Variants in DNAH11 observed in about 807,000 individuals in gnomAD.
The protein encoded by DNAH11 is dynein axonemal heavy chain 11, also known as axonemal beta dynein heavy chain 11.
In DNAH11, 442 loss-of-function variants were observed where a neutral mutation model predicts 526.0. That is an observed-to-expected ratio of 0.84 (90% CI 0.78 to 0.91). The LOEUF (loss-of-function observed/expected upper bound fraction) is 0.91, where lower values mean the gene tolerates loss of function less well. Among genes scored for constraint, DNAH11 ranks in the 40% least tolerant of loss-of-function variants. DNAH11 has a pLI of 0.00. For synonymous variants in DNAH11, 2,461 were observed against 1,935.9 expected (o/e 1.27, Z -7.12); for missense variants, 6,989 against 5,448.7 (o/e 1.28, Z -8.90).
At chr7:21,657,871 C>A (rs900039445) in intron 29 of DNAH11, among the ~76,000 whole-genome samples, 1 of 152,168 alleles carries the variant, frequency 6.6e-6, no homozygotes, top group Non-Finnish European at 1.5e-5. Flanking sequence ...AACCACTTAT[C>A]ACTCCATTCC....
chr7:21,572,015 A>G, intron 8 of DNAH11, 42 bp downstream of exon 8: 1 of 1,425,806 alleles, frequency 7.0e-7, no homozygotes, highest in Non-Finnish European at 9.2e-7. Context: ...GGGATCCTAT[A>G]ATTTTATAGC....
chr7:21,781,778 G>T (rs1016267310), intron 57 of DNAH11, among the ~76,000 whole-genome samples: 1 of 152,170 alleles, frequency 6.6e-6, no homozygotes, highest in Non-Finnish European at 1.5e-5. Flanking sequence ...TATTTTGGGA[G>T]ATTGGGAGGG....
chr7:21,740,820 T>C (rs188780275), intron 48 of DNAH11, among the ~76,000 whole-genome samples: 4 of 152,364 alleles, frequency 2.6e-5, no homozygotes, highest in Admixed American at 6.5e-5. Context: ...ATGACAACTA[T>C]ACCTTATTTT....
In DNAH11 at chr7:21,882,681, C is replaced by T. The variant is rs556081705; in HGVS notation, c.12388-1610C>T. ...GCATGGTGATGCACGCCTGTAGTTCCAGCTATTTAGGAGACTGAGGTGAGA... is the reference window on the plus strand; with the variant it reads ...GCATGGTGATGCACGCCTGTAGTTCTAGCTATTTAGGAGACTGAGGTGAGA... On this transcript the variant is annotated intron_variant, in intron 75 of 81. Coordinates refer to ENST00000409508, the MANE Select transcript of DNAH11 (RefSeq NM_001277115.2). Among the ~76,000 whole-genome samples the T allele has an allele frequency of 2.0e-5, 3 of 152,222 alleles. No individual in the cohort carries two copies. In the East Asian group the frequency reaches 5.8e-4, roughly 29 times the overall value.
In DNAH11 at chr7:21,803,317, G is replaced by T. The variant is rs533660019; in HGVS notation, c.10165+2042G>T. ...CTGGACCATTATCAGTGTTGATCCT[G>T]GTGATTAGTGATCAGCCACCTAGGC... On this transcript the variant is annotated intron_variant, in intron 62 of 81. Coordinates refer to ENST00000409508, the MANE Select transcript of DNAH11 (RefSeq NM_001277115.2). 1.9e-4 allele frequency among the ~76,000 whole-genome samples: 29 copies of T among 152,246 alleles called. No individual in the cohort carries two copies. In the South Asian group the frequency reaches 5.4e-3, roughly 28 times the overall value.
At chr7:21,831,306 AC>A (rs1171773769) in intron 65 of DNAH11, among the ~76,000 whole-genome samples, 1 of 151,850 alleles carries the variant, frequency 6.6e-6, no homozygotes, top group Non-Finnish European at 1.5e-5. Context: ...TGCTTTTCCC[AC>A]CCCTCTGGTT....
intron 20 of DNAH11, among the ~76,000 whole-genome samples, chr7:21,613,360 G>A (rs1290711172): frequency 6.6e-6 from 1 of 152,110 alleles, no homozygotes. Flanking sequence ...GGAAAAGAGG[G>A]ATGAAATTAA....
chr7:21,555,745 A>T (rs570463335), intron 2 of DNAH11, among the ~76,000 whole-genome samples: 1 of 152,140 alleles, frequency 6.6e-6, no homozygotes, highest in Non-Finnish European at 1.5e-5. Flanking sequence ...TGCCTCCTGA[A>T]TAAGTCTTGG....
intron 14 of DNAH11, among the ~76,000 whole-genome samples, chr7:21,593,938 T>G (rs960590526): frequency 1.3e-5 from 2 of 150,620 alleles, no homozygotes; most frequent in African/African-American, 4.9e-5. Context: ...CACACTCTCT[T>G]TCACACACAC....
At chr7:21,707,676 G>A (rs776518921) in intron 39 of DNAH11, 23 bp from the exon 40 acceptor site, 3 of 1,593,954 alleles carry the variant, frequency 1.9e-6, no homozygotes, top group Non-Finnish European at 1.7e-6. Context: ...TAATTTTTTT[G>A]GCTCTTTCCT....
intron 61 of DNAH11, 119 bp from the exon 62 acceptor site, chr7:21,801,018 A>T (rs1251241246): frequency 2.8e-6 from 3 of 1,074,016 alleles, no homozygotes; most frequent in Non-Finnish European, 2.7e-6. Flanking sequence ...TAAAGGGGCA[A>T]AGGTTAATGG....
At chr7:21,734,696 A>T (rs1785527859) in intron 45 of DNAH11, among the ~76,000 whole-genome samples, 3 of 152,064 alleles carry the variant, frequency 2.0e-5, no homozygotes, top group Admixed American at 1.3e-4. Context: ...TCTCTACAAA[A>T]AATACAAAAT....
rs369466371 is a variant in DNAH11, at chr7:21,600,669, C to G, written c.3001-7C>G. 5 of 1,596,434 alleles carry G rather than the reference C, an allele frequency of 3.1e-6. No individual in the cohort carries two copies. The highest frequency in any genetic ancestry group is 4.3e-6 in the Non-Finnish European group (5 of 1,170,126). On this transcript the variant is annotated splice_region_variant and splice_polypyrimidine_tract_variant and intron_variant, in intron 15 of 81. Coordinates refer to ENST00000409508, the MANE Select transcript of DNAH11 (RefSeq NM_001277115.2). ...AATAGTAAGTGCTGTGTTTTCCTCTCATTTAGAATGATATGGATAACATGT... is the reference window on the plus strand; with the variant it reads ...AATAGTAAGTGCTGTGTTTTCCTCTGATTTAGAATGATATGGATAACATGT...
intron 25 of DNAH11, among the ~76,000 whole-genome samples, chr7:21,622,458 G>A (rs1786111044): frequency 6.6e-6 from 1 of 151,996 alleles, no homozygotes; most frequent in South Asian, 2.1e-4. Context: ...TCACAGAATT[G>A]GAAAAAACTA....
chr7:21,568,233 C>T (rs1173791197), intron 6 of DNAH11, among the ~76,000 whole-genome samples: 1 of 152,124 alleles, frequency 6.6e-6, no homozygotes, highest in East Asian at 1.9e-4. Context: ...TGAAGTGGGA[C>T]TAGTTCATCC....
chr7:21,588,128 A>G lies in DNAH11; in HGVS notation c.1775A>G (p.Tyr592Cys), dbSNP rs1433884367. 1 of 1,613,436 alleles carries G rather than the reference A, an allele frequency of 6.2e-7. No homozygotes were observed. Among genetic ancestry groups the G allele is most frequent in the Admixed American group, 1.7e-5 (1 of 59,960 alleles). The change falls in exon 10 of 82, where the codon TAC becomes TGC. Residue 592 changes from tyrosine to cysteine, a missense_variant. Transcript: ENST00000409508. ...PVVMEIFSLH[Y>C]STLVHMFNTE... ...GTCATGGAAATTTTCAGCCTACATT[A>G]CAGCACACTAGTGCATATGTTTAAT...
At position 21,750,244 on chromosome 7, in the gene DNAH11, C is replaced by T. The variant is rs377417038; in HGVS notation, c.8820C>T (p.Ser2940=). Reference sequence around the variant, plus strand: ...CAGGAGAAATCCCAGATCTGTTCAGCGATGAAGATGTGGACAAGATAATTT... The same window carrying T: ...CAGGAGAAATCCCAGATCTGTTCAGTGATGAAGATGTGGACAAGATAATTT... ...LASGEIPDLF[S]DEDVDKIISG... The change falls in exon 54 of 82, where the codon AGC becomes AGT. Residue 2940 remains serine (S), a synonymous_variant. Transcript: ENST00000409508. 26 of 1,605,712 alleles carry T rather than the reference C, an allele frequency of 1.6e-5. No individual in the cohort carries two copies. The highest frequency in any genetic ancestry group is 2.2e-5 in the East Asian group (1 of 44,684).
chr7:21,705,403 T>G lies in DNAH11; in HGVS notation c.6469-57T>G, dbSNP rs968629790. 7 of 1,581,328 alleles carry G rather than the reference T, an allele frequency of 4.4e-6. No individual in the cohort carries two copies. The Admixed American group carries it at 1.0e-4, about 23-fold the overall frequency. ...GAAGAATTGGGCAAAAATGGTAGAT[T>G]ATCTTTTTGTCACCAACTCCTTAAA... is the stretch of plus-strand genomic sequence containing the variant. On this transcript the variant is annotated intron_variant, in intron 38 of 81. Coordinates refer to ENST00000409508, the MANE Select transcript of DNAH11 (RefSeq NM_001277115.2).
intron 20 of DNAH11, among the ~76,000 whole-genome samples, chr7:21,609,570 A>G (rs78721503): frequency 6.5e-5 from 3 of 46,508 alleles, no homozygotes; most frequent in South Asian, 7.1e-4. Context: ...AAGTGATAGG[A>G]AAAAAAACGA....
Sources: allele counts gnomAD v4.1 joint callset (sites outside exome capture counted in the v4.1 genomes callset), GRCh38; gene constraint gnomAD v4.1.1; transcripts MANE v1.5; gene names NCBI Gene and HGNC (gene_info 2026-07-23, HGNC 2026-07-21).